Variants in NRXN1 observed in about 807,000 individuals in gnomAD.
NRXN1 encodes the protein neurexin-1.
In NRXN1, 39 loss-of-function variants were observed where a neutral mutation model predicts 150.9. That is an observed-to-expected ratio of 0.26 (90% CI 0.20 to 0.34). The LOEUF (loss-of-function observed/expected upper bound fraction) is 0.34, where lower values mean the gene tolerates loss of function less well. Ranked by LOEUF, NRXN1 falls within the 10% of genes least tolerant of loss-of-function variation. The pLI, the probability that NRXN1 is intolerant of heterozygous loss-of-function variation, is 1.00. For missense variants in NRXN1, 1,815 were observed against 1,949.9 expected (o/e 0.93, Z 1.30); for synonymous variants, 924 against 757.0 (o/e 1.22, Z -3.62).
chr2:50,630,468 C>A, intron 5 of NRXN1, among the ~76,000 whole-genome samples: 1 of 151,656 alleles, frequency 6.6e-6, no homozygotes, highest in Admixed American at 6.6e-5. Context: ...TGACCCAATG[C>A]CTCTGTATCT....
At chr2:50,795,755 G>C (rs1474644404) in intron 5 of NRXN1, among the ~76,000 whole-genome samples, 1 of 152,018 alleles carries the variant, frequency 6.6e-6, no homozygotes, top group Non-Finnish European at 1.5e-5. Flanking sequence ...TGTACTCCTT[G>C]CTTCATTAAT....
intron 5 of NRXN1, among the ~76,000 whole-genome samples, chr2:50,753,955 A>AT (rs11450042): frequency 0.27 from 28,805 of 106,754 alleles, 4,174 homozygotes; most frequent in African/African-American, 0.39. Context: ...CATCATGACG[A>AT]TTTTTTTTTG....
chr2:51,027,869 G>T lies in NRXN1; in HGVS notation c.405C>A (p.Ala135=). ...NTTLFIDQVE[A]KWVEVKSKRR... ...GCTTGGACTTGACCTCCACCCACTT[G>T]GCCTCCACCTGGTCGATGAAGAGCG... Residue 135 remains alanine, a synonymous_variant, in exon 2 of 23, where the codon GCC becomes GCA. Transcript: ENST00000401669. 4.3e-6 allele frequency: 7 copies of T among 1,612,940 alleles called. No individual in the cohort carries two copies. The highest frequency in any genetic ancestry group is 1.3e-5 in the African/African-American group (1 of 75,048).
At chr2:50,686,149 G>GAAACAAACAAACAAAA (rs1351397195) in intron 5 of NRXN1, among the ~76,000 whole-genome samples, 3 of 151,858 alleles carry the variant, frequency 2.0e-5, no homozygotes, top group Non-Finnish European at 4.4e-5. Flanking sequence ...AACAAACAAA[G>GAAACAAACAAACAAAA]AAACAAACAA....
At chr2:50,573,299 G>T (rs1356185448) in intron 8 of NRXN1, among the ~76,000 whole-genome samples, 1 of 151,806 alleles carries the variant, frequency 6.6e-6, no homozygotes, top group South Asian at 2.1e-4. Flanking sequence ...TGGGGTTAAG[G>T]CTGCAATGAA....
At chr2:50,393,771 T>C (rs2081890023) in intron 17 of NRXN1, among the ~76,000 whole-genome samples, 1 of 152,132 alleles carries the variant, frequency 6.6e-6, no homozygotes, top group Admixed American at 6.6e-5. Context: ...GCAAAATTAC[T>C]GCTCACTTGC....
chr2:50,896,041 T>G (rs1390754795), intron 5 of NRXN1, among the ~76,000 whole-genome samples: 1 of 152,054 alleles, frequency 6.6e-6, no homozygotes, highest in Non-Finnish European at 1.5e-5. Context: ...AGAAGCAATC[T>G]AAAAAAGCCC....
At chr2:50,643,562 C>T (rs1240436735) in intron 5 of NRXN1, among the ~76,000 whole-genome samples, 1 of 151,770 alleles carries the variant, frequency 6.6e-6, no homozygotes, top group Admixed American at 6.6e-5. Flanking sequence ...CATTGTAATG[C>T]ATTTAGTGTT....
chr2:50,871,445 G>A (rs7587214), intron 5 of NRXN1, among the ~76,000 whole-genome samples: 11,699 of 151,846 alleles, frequency 0.077, 558 homozygotes, highest in Non-Finnish European at 0.11. Context: ...GTGAACAAAC[G>A]TAGAAAGTTC....
chr2:50,644,273 T>C (rs1010411919), intron 5 of NRXN1, among the ~76,000 whole-genome samples: 1 of 151,796 alleles, frequency 6.6e-6, no homozygotes, highest in Non-Finnish European at 1.5e-5. Flanking sequence ...CTGATTATGT[T>C]AGGTAACTGA....
intron 18 of NRXN1, among the ~76,000 whole-genome samples, chr2:50,137,148 T>C (rs1306437144): frequency 6.6e-6 from 1 of 152,150 alleles, no homozygotes; most frequent in Non-Finnish European, 1.5e-5. Flanking sequence ...AGAGTAATCA[T>C]TCCATAATGT....
At chr2:50,281,507 T>C (rs751684119) in intron 17 of NRXN1, among the ~76,000 whole-genome samples, 26 of 152,070 alleles carry the variant, frequency 1.7e-4, no homozygotes, top group Middle Eastern at 3.4e-3. Flanking sequence ...TTTTGTGGGA[T>C]TGTTGAGGCT....
At chr2:50,512,040 T>A (rs1026024872) in intron 12 of NRXN1, among the ~76,000 whole-genome samples, 12 of 152,204 alleles carry the variant, frequency 7.9e-5, no homozygotes, top group African/African-American at 2.9e-4. Flanking sequence ...TCTCTATTCC[T>A]ATTTTTATCT....
intron 18 of NRXN1, among the ~76,000 whole-genome samples, chr2:50,230,614 A>C (rs1324866905): frequency 1.3e-5 from 2 of 152,102 alleles, no homozygotes; most frequent in Non-Finnish European, 2.9e-5. Flanking sequence ...AACCGAGAAG[A>C]AGCTAGAAAT....
At chr2:51,012,500 C>G (rs1668039600) in intron 2 of NRXN1, among the ~76,000 whole-genome samples, 1 of 152,040 alleles carries the variant, frequency 6.6e-6, no homozygotes, top group Non-Finnish European at 1.5e-5. Context: ...ACATGTGTAC[C>G]TTATTACAGA....
chr2:50,457,634 T>C (rs1430859883), intron 17 of NRXN1, among the ~76,000 whole-genome samples: 1 of 151,978 alleles, frequency 6.6e-6, no homozygotes, highest in African/African-American at 2.4e-5. Context: ...TAACAAATAA[T>C]TGAATTTTTA....
intron 19 of NRXN1, among the ~76,000 whole-genome samples, chr2:50,084,135 T>A (rs1475032089): frequency 6.6e-6 from 1 of 152,166 alleles, no homozygotes; most frequent in African/African-American, 2.4e-5. Flanking sequence ...ACATAAAGGT[T>A]CTCCAAGTCC....
intron 8 of NRXN1, among the ~76,000 whole-genome samples, chr2:50,578,292 A>G (rs1671739733): frequency 1.3e-5 from 2 of 152,182 alleles, no homozygotes; most frequent in African/African-American, 4.8e-5. Flanking sequence ...GACTCCGGAA[A>G]GGCTCAGTTC....
chr2:50,505,033 C>G (rs1300669535), intron 13 of NRXN1, among the ~76,000 whole-genome samples: 1 of 152,106 alleles, frequency 6.6e-6, no homozygotes, highest in Non-Finnish European at 1.5e-5. Context: ...TCAAGTCAAC[C>G]ATTCAGTAGT....
Sources: gnomAD v4.1 joint callset for allele counts (sites outside exome capture counted in the v4.1 genomes callset) on GRCh38, gnomAD v4.1.1 for gene constraint, MANE v1.5 for transcripts, NCBI Gene and HGNC (gene_info 2026-07-23, HGNC 2026-07-21) for gene names.